TOMM34: variants seen among roughly 807,000 people sequenced by gnomAD.
The protein encoded by TOMM34 is mitochondrial import receptor subunit TOM34.
In TOMM34, 24 loss-of-function variants were observed where a neutral mutation model predicts 37.4. That is an observed-to-expected ratio of 0.64 (90% CI 0.46 to 0.90). TOMM34 has a LOEUF of 0.90. Ranked by LOEUF, TOMM34 falls within the 40% of genes least tolerant of loss-of-function variation. The pLI is 0.00. For synonymous variants in TOMM34, 154 were observed against 148.9 expected (o/e 1.03, Z -0.25); for missense variants, 304 against 375.6 (o/e 0.81, Z 1.58).
At chr20:44,948,580 TG>T in intron 5 of TOMM34, 149 bp downstream of exon 5, 1 of 957,492 alleles carries the variant, frequency 1.0e-6, no homozygotes, top group Non-Finnish European at 1.5e-6. Context: ...TGAATGCCAC[TG>T]GTCATGGCTA....
intron 4 of TOMM34, among the ~76,000 whole-genome samples, chr20:44,951,438 G>T (rs528788823): frequency 6.6e-6 from 1 of 152,094 alleles, no homozygotes; most frequent in Non-Finnish European, 1.5e-5. Flanking sequence ...GAATTCTCTC[G>T]GATTTTTCAG....
chr20:44,947,181 A>G (rs554036712), intron 5 of TOMM34, among the ~76,000 whole-genome samples: 8 of 152,246 alleles, frequency 5.3e-5, no homozygotes, highest in Non-Finnish European at 8.8e-5. Context: ...TGGAACAAAT[A>G]GGCTGCAGGC....
rs779621370 is a variant in TOMM34 at position 44,943,138 on chromosome 20, G to A, written c.901C>T (p.Arg301Trp). 6.8e-6 allele frequency: 11 copies of A among 1,614,134 alleles called. No homozygotes were observed. The highest frequency in any genetic ancestry group is 6.7e-5 in the East Asian group (3 of 44,876). The change falls in exon 7 of 7, where the codon CGG becomes TGG. Residue 301 changes from arginine (R) to tryptophan (W), a missense_variant. Physicochemically the swap from Arg to Trp is moderately radical, Grantham distance 101. Coordinates refer to ENST00000372813, the MANE Select transcript of TOMM34 (RefSeq NM_006809.5). ...TGTAGGTTCTGCTTCACTTCCTGCC[G>A]CAACTTCTGTGCAGGACCATTCCTA... ...EPRNGPAQKLRQEVKQNLH is the reference protein window; with the variant it reads ...EPRNGPAQKLWQEVKQNLH
At chr20:44,953,539 A>G (rs941699668) in intron 3 of TOMM34, among the ~76,000 whole-genome samples, 3 of 151,364 alleles carry the variant, frequency 2.0e-5, no homozygotes, top group Admixed American at 1.3e-4. Flanking sequence ...GCCCTAATCC[A>G]CCTCTGCGCT....
intron 2 of TOMM34, 46 bp downstream of exon 2, chr20:44,956,340 T>C (rs1397315734): frequency 1.3e-6 from 2 of 1,584,014 alleles, no homozygotes; most frequent in Non-Finnish European, 1.7e-6. Flanking sequence ...CCCAGCCTCC[T>C]CTTCTGAGAC....
At chr20:44,943,796 T>C (rs1399784705) in intron 5 of TOMM34, among the ~76,000 whole-genome samples, 1 of 152,150 alleles carries the variant, frequency 6.6e-6, no homozygotes, top group African/African-American at 2.4e-5. Context: ...ACCGCCAGTA[T>C]TAAGGGGCAG....
intron 5 of TOMM34, among the ~76,000 whole-genome samples, chr20:44,944,967 A>G (rs981398897): frequency 3.9e-5 from 6 of 152,134 alleles, no homozygotes; most frequent in African/African-American, 1.2e-4. Context: ...TTTTCCCTTC[A>G]CATAAGAATA....
intron 1 of TOMM34, 158 bp downstream of exon 1, chr20:44,960,049 G>A (rs541872884): frequency 1.4e-4 from 137 of 979,450 alleles, no homozygotes; most frequent in Non-Finnish European, 1.6e-4. Flanking sequence ...CAGGTGGAAA[G>A]AAAGGGCCGA....
At chr20:44,952,695 C>T (rs1402138666) in intron 3 of TOMM34, 7 of 717,082 alleles carry the variant, frequency 9.8e-6, no homozygotes, top group Non-Finnish European at 1.8e-5. Flanking sequence ...CAACTGATCT[C>T]CAGCACCTGG....
At position 44,960,271 on chromosome 20, in the gene TOMM34, G is replaced by C; in HGVS notation, c.63C>G (p.Arg21=). ...CGGAGGCCTCGGCGTACTGGCCGTT[G>C]CGGAAACTCTCATTGCCGGCGGCGC... ...ELRAAGNESF[R]NGQYAEASAL... is the part of the protein sequence containing the mutation. Residue 21 remains arginine (R), a synonymous_variant, in exon 1 of 7, where the codon CGC becomes CGG. Coordinates refer to ENST00000372813, the MANE Select transcript of TOMM34 (RefSeq NM_006809.5). 6.3e-7 allele frequency: 1 copy of C among 1,578,870 alleles called. No individual in the cohort carries two copies. The highest frequency in any genetic ancestry group is 8.6e-7 in the Non-Finnish European group (1 of 1,163,310).
intron 5 of TOMM34, among the ~76,000 whole-genome samples, 166 bp downstream of exon 5, chr20:44,948,562 TGA>T (rs1476730094): frequency 6.6e-6 from 1 of 152,192 alleles, no homozygotes; most frequent in Non-Finnish European, 1.5e-5. Context: ...TCTACCCTTT[TGA>T]GAGAATGAAT....
intron 5 of TOMM34, among the ~76,000 whole-genome samples, chr20:44,947,807 A>T (rs951579994): frequency 6.6e-6 from 1 of 152,202 alleles, no homozygotes; most frequent in African/African-American, 2.4e-5. Flanking sequence ...GCTGGAAAAC[A>T]CATTTTATCT....
intron 1 of TOMM34, 55 bp from the exon 2 acceptor site, chr20:44,956,540 A>T: frequency 6.5e-7 from 1 of 1,541,732 alleles, no homozygotes; most frequent in Non-Finnish European, 9.0e-7. Flanking sequence ...GCCTCAGGGC[A>T]TTAGGATACA....
At chr20:44,952,309 TCATA>T (rs1485956829) in intron 3 of TOMM34, among the ~76,000 whole-genome samples, 2 of 152,246 alleles carry the variant, frequency 1.3e-5, no homozygotes, top group Non-Finnish European at 2.9e-5. Flanking sequence ...CAAGAAAGAA[TCATA>T]CATTTTGTTT....
At chr20:44,955,322 G>C (rs916399921) in intron 2 of TOMM34, 102 bp from the exon 3 acceptor site, 17 of 1,464,560 alleles carry the variant, frequency 1.2e-5, no homozygotes, top group South Asian at 2.6e-5. Context: ...CAGCGTACAG[G>C]AAGTAATTTC....
At chr20:44,946,722 A>AGGT (rs2066983769) in intron 5 of TOMM34, among the ~76,000 whole-genome samples, 1 of 152,214 alleles carries the variant, frequency 6.6e-6, no homozygotes, top group African/African-American at 2.4e-5. Context: ...GGCGTACATG[A>AGGT]GGTGGAGCAT....
chr20:44,949,018 C>G, intron 4 of TOMM34, 141 bp from the exon 5 acceptor site: 1 of 1,122,356 alleles, frequency 8.9e-7, no homozygotes, highest in South Asian at 1.8e-5. Flanking sequence ...AATCATCCTT[C>G]CTGATTAATG....
At position 44,951,997 on chromosome 20, in the gene TOMM34, G is replaced by T. The variant is rs1014255615; in HGVS notation, c.386C>A (p.Thr129Asn). Residue 129 changes from threonine (T) to asparagine (N), a missense_variant, in exon 4 of 7, where the codon ACC becomes AAC. By Grantham distance (65) the Thr-to-Asn change is moderately conservative. Coordinates refer to ENST00000372813, the MANE Select transcript of TOMM34 (RefSeq NM_006809.5). ...TSAVEGINRMTRALMDSLGPE... is the reference protein window; with the variant it reads ...TSAVEGINRMNRALMDSLGPE... ...CCCAAGCGAGTCCATGAGAGCTCTG[G>T]TCATTCTGGAAAAGAAGGCAGGATT... is the stretch of plus-strand genomic sequence containing the variant. The T allele has an allele frequency of 1.9e-6, 3 of 1,603,254 alleles. No individual in the cohort carries two copies. The highest frequency in any genetic ancestry group is 2.2e-5 in the South Asian group (2 of 89,338).
rs544866445 is a variant in TOMM34, at chr20:44,953,633, G to A, written c.380+1435C>T. On this transcript the variant is annotated intron_variant, in intron 3 of 6. Coordinates refer to ENST00000372813, the MANE Select transcript of TOMM34 (RefSeq NM_006809.5). The stretch of plus-strand genomic sequence containing the variant: ...CCCAACCGTCCTACTTAGATCTCTA[G>A]TCTTATGTCCCACAGTCACCTCCGA... Among the ~76,000 whole-genome samples, 130 of 152,116 alleles carry A rather than the reference G, an allele frequency of 8.5e-4. 1 individual carries two copies. The highest frequency in any genetic ancestry group is 1.7e-3 in the Non-Finnish European group (116 of 67,992).
Sources: gnomAD v4.1 joint callset for allele counts (sites outside exome capture counted in the v4.1 genomes callset) on GRCh38, gnomAD v4.1.1 for gene constraint, MANE v1.5 for transcripts, NCBI Gene and HGNC (gene_info 2026-07-23, HGNC 2026-07-21) for gene names.